BRD8: variants seen among roughly 807,000 people sequenced by gnomAD.
BRD8 encodes the protein bromodomain-containing protein 8.
BRD8 carries 67 observed loss-of-function variants against 143.1 expected under a neutral mutation model. The ratio of observed to expected loss-of-function variants is 0.47; its 90% CI spans 0.38 to 0.57. The LOEUF (loss-of-function observed/expected upper bound fraction) is 0.57. Ranked by LOEUF, BRD8 falls within the 20% of genes least tolerant of loss-of-function variation. BRD8 has a pLI of 0.00. For synonymous variants in BRD8, 505 were observed against 517.1 expected (o/e 0.98, Z 0.32); for missense variants, 1,103 against 1,503.0 (o/e 0.73, Z 4.40).
rs1417137777 is a variant in BRD8, at chr5:138,163,055, A to AGAAAGAC, written c.2087+74_2087+75insGTCTTTC. ...AGAAAAGAAAAGAGAAAAGACAGGAAGGAAGGAAGGAAGGAAAAGATCCTC... is the reference window on the plus strand; with the variant it reads ...AGAAAAGAAAAGAGAAAAGACAGGAAGAAAGACGGAAGGAAGGAAGGAAAAGATCCTC... On this transcript the variant is annotated intron_variant, in intron 15 of 26. Transcript: ENST00000254900. 3.2e-4 allele frequency: 415 copies of AGAAAGAC among 1,282,402 alleles called. 3 individuals carry two copies. Among genetic ancestry groups the AGAAAGAC allele is most frequent in the Admixed American group, 7.7e-4 (38 of 49,442 alleles). The allele number at this position is 1,282,402 out of a possible 1,614,324, so 79.4% of individuals were successfully genotyped here.
At chr5:138,153,673 C>CTTTTTTTTTTT (rs67848204) in intron 20 of BRD8, among the ~76,000 whole-genome samples, 13 of 107,360 alleles carry the variant, frequency 1.2e-4, no homozygotes, top group African/African-American at 2.0e-4. Context: ...CTTTTCTTTT[C>CTTTTTTTTTTT]TTTTTTTTTT....
intron 11 of BRD8, 114 bp downstream of exon 11, chr5:138,165,714 A>AGAC: frequency 8.5e-7 from 1 of 1,171,530 alleles, no homozygotes; most frequent in Non-Finnish European, 1.2e-6. Flanking sequence ...TGAAAGAGCA[A>AGAC]GACTCTGTCT....
intron 9 of BRD8, chr5:138,167,021 G>A (rs1179436878): frequency 4.4e-6 from 1 of 227,562 alleles, no homozygotes; most frequent in African/African-American, 2.4e-5. Context: ...CGAGGCAGGT[G>A]GGTCACTTGA....
At chr5:138,178,498 CA>C in intron 1 of BRD8, 97 bp downstream of exon 1, 1 of 1,156,814 alleles carries the variant, frequency 8.6e-7, no homozygotes, top group South Asian at 1.2e-5. Flanking sequence ...GGCTCTCAAG[CA>C]ACCCACTTCT....
chr5:138,146,359 ATT>A (rs1310501840), intron 23 of BRD8, among the ~76,000 whole-genome samples: 5 of 109,408 alleles, frequency 4.6e-5, no homozygotes, highest in African/African-American at 6.9e-5. Flanking sequence ...TGCCCAGCCA[ATT>A]TTTTTTTTTT....
rs781386566 is a variant in BRD8, at chr5:138,152,536, A to G, written c.2802T>C (p.Ser934=). 1 of 1,614,158 alleles carries G rather than the reference A, an allele frequency of 6.2e-7. No homozygotes were observed. Among genetic ancestry groups the G allele is most frequent in the East Asian group, 2.2e-5 (1 of 44,874 alleles). ...LLVGDGGSEE[S]QEAARKASHQ... ...GGCTGGCTTTCCTTGCCGCTTCCTG[A>G]GATTCCTCACTGCCTCCATCCCCAA... The change falls in exon 21 of 27, where the codon TCT becomes TCC. Residue 934 remains serine (S), a synonymous_variant. Coordinates refer to ENST00000254900, the MANE Select transcript of BRD8 (RefSeq NM_139199.2).
intron 7 of BRD8, among the ~76,000 whole-genome samples, chr5:138,169,975 A>C (rs1191077193): frequency 6.6e-6 from 1 of 152,230 alleles, no homozygotes; most frequent in Non-Finnish European, 1.5e-5. Flanking sequence ...AAAACAAAAA[A>C]CAAAAACAGG....
chr5:138,142,264 CA>C (rs1288804709), intron 25 of BRD8, among the ~76,000 whole-genome samples: 1 of 152,122 alleles, frequency 6.6e-6, no homozygotes, highest in Non-Finnish European at 1.5e-5. Flanking sequence ...CCTCACACAC[CA>C]AAACTACCAA....
chr5:138,152,070 G>T (rs1001354845), intron 21 of BRD8, among the ~76,000 whole-genome samples: 3 of 152,052 alleles, frequency 2.0e-5, no homozygotes, highest in African/African-American at 7.2e-5. Context: ...TGGCCAGGCT[G>T]GTCTTGAACT....
chr5:138,143,782 T>G (rs1037252772), intron 25 of BRD8, among the ~76,000 whole-genome samples: 3 of 151,930 alleles, frequency 2.0e-5, no homozygotes, highest in African/African-American at 7.3e-5. Flanking sequence ...CCAAAAAAGG[T>G]TTGTAAACGC....
rs1276142915 is a variant in BRD8, at chr5:138,140,046, T to C, written c.*28A>G. 1.9e-6 allele frequency: 3 copies of C among 1,562,706 alleles called. No individual in the cohort carries two copies. The highest frequency in any genetic ancestry group is 2.6e-6 in the Non-Finnish European group (3 of 1,133,232). ...AGAGTTCCGGGAGAGATTCAAACTC[T>C]AGAAAAAGTCAGGATAGCAGCTCCA... On this transcript the variant is annotated 3_prime_UTR_variant, in exon 27 of 27. Transcript: ENST00000254900.
At chr5:138,169,157 T>A in intron 8 of BRD8, 65 bp downstream of exon 8, 1 of 1,557,438 alleles carries the variant, frequency 6.4e-7, no homozygotes, top group South Asian at 1.2e-5. Context: ...GGTTTCCTCA[T>A]CGCTCAGCTC....
At chr5:138,164,037 T>C (rs747599921) in intron 14 of BRD8, 50 bp downstream of exon 14, 21 of 1,565,674 alleles carry the variant, frequency 1.3e-5, no homozygotes, top group Non-Finnish European at 1.8e-5. Flanking sequence ...AGTAGTGCTA[T>C]AGGGAAATCT....
At chr5:138,157,762 C>T (rs1752700222) in intron 20 of BRD8, 1 of 154,762 alleles carries the variant, frequency 6.5e-6, no homozygotes, top group South Asian at 2.0e-4. Context: ...GGCTTCTTTC[C>T]ATCTGCTGCT....
intron 20 of BRD8, among the ~76,000 whole-genome samples, chr5:138,153,786 C>T (rs1317179210): frequency 6.6e-6 from 1 of 151,332 alleles, no homozygotes; most frequent in African/African-American, 2.4e-5. Context: ...AAGCAATTCT[C>T]CTGCCTCAGC....
In BRD8 at chr5:138,166,048, A is replaced by G; in HGVS notation, c.1058T>C (p.Val353Ala). The G allele has an allele frequency of 6.2e-7, 1 of 1,614,144 alleles. No individual in the cohort carries two copies. The highest frequency in any genetic ancestry group is 2.2e-5 in the East Asian group (1 of 44,884). ...GGATATTTCACTGCTGTCCATGGAA[A>G]CAGTCACAGTATGTGGATCCCCCAC... ...EAVGDPHTVT[V>A]SMDSSEISMI... The change falls in exon 11 of 27, where the codon GTT becomes GCT. Residue 353 changes from valine to alanine, a missense_variant. By Grantham distance (64) the Val-to-Ala change is moderately conservative. Transcript: ENST00000254900.
intron 25 of BRD8, among the ~76,000 whole-genome samples, chr5:138,141,487 T>A (rs887287141): frequency 1.3e-5 from 2 of 152,134 alleles, no homozygotes; most frequent in Non-Finnish European, 2.9e-5. Context: ...AAGTACTCAC[T>A]GAAAGGCACA....
chr5:138,156,382 C>G (rs1357507268), intron 20 of BRD8, among the ~76,000 whole-genome samples: 1 of 152,124 alleles, frequency 6.6e-6, no homozygotes, highest in Non-Finnish European at 1.5e-5. Flanking sequence ...TCGTGATCTG[C>G]CAGCCTTGGC....
intron 16 of BRD8, 22 bp from the exon 17 acceptor site, chr5:138,161,886 C>A (rs1239441897): frequency 6.2e-7 from 1 of 1,612,764 alleles, no homozygotes. Flanking sequence ...GAATAAGGTG[C>A]AATTACTGAC....
Sources: gnomAD v4.1 joint callset for allele counts (sites outside exome capture counted in the v4.1 genomes callset) on GRCh38, gnomAD v4.1.1 for gene constraint, MANE v1.5 for transcripts, NCBI Gene and HGNC (gene_info 2026-07-23, HGNC 2026-07-21) for gene names.